The following PALLD variants were observed in gnomAD, a reference collection of about 807,000 sequenced individuals.
The protein encoded by PALLD is palladin, cytoskeletal associated protein.
In PALLD, 61 loss-of-function variants were observed where a neutral mutation model predicts 123.5. That is an observed-to-expected ratio of 0.49 (90% confidence interval 0.40 to 0.61). The LOEUF is 0.61. Among genes scored for constraint, PALLD ranks in the 20% least tolerant of loss-of-function variants. PALLD has a pLI of 0.00. For missense variants in PALLD, 1,273 were observed against 1,377.0 expected (o/e 0.92, Z 1.20); for synonymous variants, 465 against 496.4 (o/e 0.94, Z 0.84).
chr4:168,830,327 C>G (rs1285486829), intron 10 of PALLD, among the ~76,000 whole-genome samples: 1 of 151,302 alleles, frequency 6.6e-6, no homozygotes, highest in Non-Finnish European at 1.5e-5. Flanking sequence ...GAGTTTGAGA[C>G]CAGCCTGGAC....
At chr4:168,599,992 T>TGTACACACAC (rs1251473153) in intron 2 of PALLD, among the ~76,000 whole-genome samples, 28 of 150,474 alleles carry the variant, frequency 1.9e-4, no homozygotes, top group Non-Finnish European at 2.5e-4. Flanking sequence ...CATACATGTG[T>TGTACACACAC]ATACACACAC....
chr4:168,920,998 G>C (rs566481677), intron 17 of PALLD, among the ~76,000 whole-genome samples: 1 of 152,006 alleles, frequency 6.6e-6, no homozygotes, highest in Non-Finnish European at 1.5e-5. Context: ...ATCCCATCTC[G>C]GTCTTCTCTA....
intron 2 of PALLD, among the ~76,000 whole-genome samples, chr4:168,517,510 C>A (rs551765642): frequency 1.3e-5 from 2 of 152,170 alleles, no homozygotes; most frequent in Non-Finnish European, 2.9e-5. Context: ...ATCAGCAAGA[C>A]TTTGATCATC....
intron 2 of PALLD, among the ~76,000 whole-genome samples, chr4:168,559,291 G>A (rs952421238): frequency 6.6e-5 from 10 of 152,112 alleles, no homozygotes; most frequent in Non-Finnish European, 8.8e-5. Flanking sequence ...CAACGCCACA[G>A]CAAGACTATA....
At chr4:168,858,661 G>A (rs1310105654) in intron 10 of PALLD, among the ~76,000 whole-genome samples, 4 of 151,882 alleles carry the variant, frequency 2.6e-5, no homozygotes, top group East Asian at 1.9e-4. Flanking sequence ...ACATACCTGC[G>A]GTTCCAGCTA....
At chr4:168,803,093 G>A (rs1427148313) in intron 10 of PALLD, among the ~76,000 whole-genome samples, 1 of 152,172 alleles carries the variant, frequency 6.6e-6, no homozygotes, top group East Asian at 1.9e-4. Flanking sequence ...AAATGTATTA[G>A]TCCGTTCTCA....
chr4:168,592,785 G>A (rs567786687), intron 2 of PALLD, among the ~76,000 whole-genome samples: 3 of 151,956 alleles, frequency 2.0e-5, no homozygotes, highest in African/African-American at 7.2e-5. Flanking sequence ...AACTTAGCCT[G>A]CTTGTCTGTC....
intron 10 of PALLD, among the ~76,000 whole-genome samples, chr4:168,760,376 C>G (rs1042588295): frequency 6.4e-4 from 98 of 152,132 alleles, no homozygotes; most frequent in African/African-American, 2.3e-3. Flanking sequence ...GTGACTACCT[C>G]CTTTTGGCTC....
In PALLD at chr4:168,691,310, G is replaced by A. The variant is rs573238113; in HGVS notation, c.1501+18G>A. The A allele has an allele frequency of 3.1e-6, 4 of 1,300,610 alleles. No homozygotes were observed. The highest frequency in any genetic ancestry group is 4.2e-6 in the Non-Finnish European group (4 of 949,906). 80.6% of individuals were successfully genotyped at this position (1,300,610 alleles called of 1,614,324 possible). A position where few individuals can be genotyped will look rare whatever the true frequency, so the allele number is the denominator to read the frequency against. On this transcript the variant is annotated intron_variant, in intron 8 of 21. Coordinates refer to ENST00000505667, the MANE Select transcript of PALLD (RefSeq NM_001166108.2). ...TGAACCTGGTAAGAATATTTTTAGG[G>A]TTTTTTTTTTTGGTGGTGGGGGAGC...
chr4:168,550,418 T>G (rs1252281406), intron 2 of PALLD, among the ~76,000 whole-genome samples: 1 of 152,190 alleles, frequency 6.6e-6, no homozygotes, highest in Non-Finnish European at 1.5e-5. Flanking sequence ...TAGTTCTCTG[T>G]TCCTCTGGGA....
intron 10 of PALLD, among the ~76,000 whole-genome samples, chr4:168,766,824 G>T (rs959030047): frequency 6.6e-6 from 1 of 152,150 alleles, no homozygotes; most frequent in East Asian, 1.9e-4. Flanking sequence ...TCTACGTCTA[G>T]CCAAAACTGG....
intron 2 of PALLD, among the ~76,000 whole-genome samples, chr4:168,653,927 C>A (rs1229389289): frequency 6.6e-6 from 1 of 151,988 alleles, no homozygotes. Flanking sequence ...GTCTCGATCT[C>A]CTGACCTCAT....
At chr4:168,689,935 C>G (rs967070761) in intron 6 of PALLD, among the ~76,000 whole-genome samples, 1 of 152,084 alleles carries the variant, frequency 6.6e-6, no homozygotes, top group Non-Finnish European at 1.5e-5. Flanking sequence ...AATTTCTGAT[C>G]TGTTGGATTG....
intron 2 of PALLD, among the ~76,000 whole-genome samples, chr4:168,538,290 T>G (rs1765278681): frequency 2.0e-5 from 3 of 152,254 alleles, no homozygotes; most frequent in Middle Eastern, 3.4e-3. Context: ...TCCTTTTTTC[T>G]ATCTGGAATC....
At chr4:168,543,151 A>G (rs1020807421) in intron 2 of PALLD, among the ~76,000 whole-genome samples, 1 of 152,000 alleles carries the variant, frequency 6.6e-6, no homozygotes, top group African/African-American at 2.4e-5. Context: ...TAGCTCCATC[A>G]TTTGCAAGCT....
chr4:168,845,324 T>C (rs1746672197), intron 10 of PALLD, among the ~76,000 whole-genome samples: 1 of 152,248 alleles, frequency 6.6e-6, no homozygotes, highest in Non-Finnish European at 1.5e-5. Context: ...AACACCTTTC[T>C]TCTTTTCCAA....
rs540064026 is a variant in PALLD, at chr4:168,671,558, G to A, written c.1087+3190G>A. On this transcript the variant is annotated intron_variant, in intron 3 of 21. Transcript: ENST00000505667. Reference sequence around the variant, plus strand: ...CATAGCAAGAATGAAGAGGTGTGAAGATTCAGTCTGCTAAGCCTAACATAA... The same window carrying A: ...CATAGCAAGAATGAAGAGGTGTGAAAATTCAGTCTGCTAAGCCTAACATAA... 3.9e-5 allele frequency among the ~76,000 whole-genome samples: 6 copies of A among 152,304 alleles called. No homozygotes were observed. In the South Asian group the frequency reaches 1.2e-3, roughly 32 times the overall value.
At chr4:168,797,933 TC>T in intron 10 of PALLD, among the ~76,000 whole-genome samples, 1 of 152,060 alleles carries the variant, frequency 6.6e-6, no homozygotes, top group African/African-American at 2.4e-5. Flanking sequence ...CAACTTCCCT[TC>T]TGATCCTAAT....
At chr4:168,857,564 T>C (rs1276308570) in intron 10 of PALLD, among the ~76,000 whole-genome samples, 1 of 152,240 alleles carries the variant, frequency 6.6e-6, no homozygotes, top group Non-Finnish European at 1.5e-5. Flanking sequence ...CGTGTACACA[T>C]TAACTTCATA....
Sources: gnomAD v4.1 joint callset for allele counts (sites outside exome capture counted in the v4.1 genomes callset) on GRCh38, gnomAD v4.1.1 for gene constraint, MANE v1.5 for transcripts, NCBI Gene and HGNC (gene_info 2026-07-23, HGNC 2026-07-21) for gene names.